The following FOXP2 variants were observed in gnomAD, a reference collection of about 807,000 sequenced individuals.
FOXP2 encodes forkhead box P2, also known as forkhead box protein P2.
In FOXP2, 12 loss-of-function variants were observed where a neutral mutation model predicts 115.8. That is an observed-to-expected ratio of 0.10 (90% CI 0.07 to 0.17). FOXP2 has a LOEUF of 0.17. Ranked by LOEUF, FOXP2 falls within the 10% of genes least tolerant of loss-of-function variation. The pLI, the probability that FOXP2 is intolerant of heterozygous loss-of-function variation, is 1.00. For missense variants in FOXP2, 629 were observed against 843.5 expected, an observed-to-expected ratio of 0.75 and a Z score of 3.15; for synonymous variants, 328 against 297.7, an observed-to-expected ratio of 1.10 and a Z score of -1.05.
At chr7:114,196,371 A>G (rs1243900956) in intron 1 of FOXP2, among the ~76,000 whole-genome samples, 1 of 152,196 alleles carries the variant, frequency 6.6e-6, no homozygotes, top group Non-Finnish European at 1.5e-5. Flanking sequence ...TTCTATGTTA[A>G]TTAAATACAA....
intron 8 of FOXP2, chr7:114,645,868 A>G (rs968174863): frequency 6.6e-6 from 1 of 152,060 alleles, no homozygotes; most frequent in Non-Finnish European, 1.5e-5. Flanking sequence ...TTAACCTTTT[A>G]TCATTTCTAA....
intron 2 of FOXP2, among the ~76,000 whole-genome samples, chr7:114,429,929 T>A (rs1794029513): frequency 6.6e-6 from 1 of 151,712 alleles, no homozygotes; most frequent in South Asian, 2.1e-4. Context: ...TTTTATAATT[T>A]TATTTTGAAA....
At chr7:114,686,869 TG>T (rs1453701728) in intron 16 of FOXP2, among the ~76,000 whole-genome samples, 3 of 152,158 alleles carry the variant, frequency 2.0e-5, no homozygotes, top group Non-Finnish European at 2.9e-5. Context: ...CGAACACTTC[TG>T]GAATAATGTC....
chr7:114,502,496 G>A (rs369927633), intron 2 of FOXP2, among the ~76,000 whole-genome samples: 2 of 152,028 alleles, frequency 1.3e-5, no homozygotes, highest in African/African-American at 4.8e-5. Flanking sequence ...TTTATGGAAG[G>A]CTGAAAGTGT....
intron 16 of FOXP2, chr7:114,666,153 C>T (rs1171765993): frequency 4.6e-5 from 7 of 151,772 alleles, no homozygotes; most frequent in Admixed American, 3.9e-4. Context: ...ATATATAACA[C>T]ATTTTATGCT....
chr7:114,121,636 G>A (rs1791569467), intron 1 of FOXP2, among the ~76,000 whole-genome samples: 1 of 152,078 alleles, frequency 6.6e-6, no homozygotes, highest in Non-Finnish European at 1.5e-5. Flanking sequence ...AGATCTGAAT[G>A]TCACATAACT....
chr7:114,271,808 TTA>T (rs1417554777), intron 1 of FOXP2, among the ~76,000 whole-genome samples: 1 of 119,722 alleles, frequency 8.4e-6, no homozygotes, highest in Non-Finnish European at 1.6e-5. Flanking sequence ...TTATTTATAT[TTA>T]TATATAATAT....
intron 8 of FOXP2, 76 bp from the exon 9 acceptor site, chr7:114,652,127 G>C (rs887999500): frequency 7.4e-7 from 1 of 1,355,302 alleles, no homozygotes; most frequent in African/African-American, 1.4e-5. Flanking sequence ...CTTCAGTGTA[G>C]TGCTTTTTAA....
intron 2 of FOXP2, among the ~76,000 whole-genome samples, chr7:114,318,230 T>G (rs186209148): frequency 1.7e-3 from 266 of 152,294 alleles, no homozygotes; most frequent in Middle Eastern, 0.01. Context: ...GTTTTGTTTT[T>G]GTTTTATTTT....
intron 2 of FOXP2, among the ~76,000 whole-genome samples, chr7:114,470,724 A>AT (rs1182244189): frequency 6.6e-6 from 1 of 152,118 alleles, no homozygotes; most frequent in Non-Finnish European, 1.5e-5. Flanking sequence ...ACTTTTTATT[A>AT]TACCCAACAC....
upstream of FOXP2, among the ~76,000 whole-genome samples, chr7:114,159,683 C>G (rs559759318): frequency 3.0e-4 from 11 of 36,610 alleles, no homozygotes; most frequent in Middle Eastern, 0.02. Context: ...CCAGGACTAA[C>G]GATCACTGGA....
chr7:114,154,512 A>C (rs1792610394), intron 1 of FOXP2, among the ~76,000 whole-genome samples: 1 of 152,056 alleles, frequency 6.6e-6, no homozygotes, highest in South Asian at 2.1e-4. Flanking sequence ...AGAATGGAAG[A>C]TTATTAGTTT....
intron 3 of FOXP2, 131 bp from the exon 4 acceptor site, chr7:114,628,409 A>C (rs1214766227): frequency 1.6e-6 from 2 of 1,236,492 alleles, no homozygotes; most frequent in East Asian, 4.8e-5. Flanking sequence ...AGTTATAGTA[A>C]AATGTGACGT....
At chr7:114,536,979 A>G (rs1022487582) in intron 3 of FOXP2, among the ~76,000 whole-genome samples, 4 of 151,588 alleles carry the variant, frequency 2.6e-5, no homozygotes, top group African/African-American at 9.7e-5. Flanking sequence ...ATAAAAGCTT[A>G]ACAGCATTTG....
chr7:114,344,662 G>A (rs572357624), intron 2 of FOXP2, among the ~76,000 whole-genome samples: 1 of 151,808 alleles, frequency 6.6e-6, no homozygotes. Context: ...ACATAGAGTA[G>A]TTATTCTGTT....
At chr7:114,324,724 T>C (rs1291008425) in intron 2 of FOXP2, among the ~76,000 whole-genome samples, 1 of 151,910 alleles carries the variant, frequency 6.6e-6, no homozygotes, top group East Asian at 1.9e-4. Context: ...CTTTATACTC[T>C]ATCAGAATAT....
Position 114,405,605 on chromosome 7 carries a change from G to A in FOXP2, c.-10-20897G>A, listed in dbSNP as rs369771771. Among the ~76,000 whole-genome samples the A allele has an allele frequency of 1.8e-4, 28 of 151,896 alleles. No individual in the cohort carries two copies. The East Asian group carries it at 5.0e-3, about 27-fold the overall frequency. ...GAGGGAATTGTGTAACGTTAACATTGGTAACAGGTAAAAGATGTAATAGTG... is the reference window on the plus strand; with the variant it reads ...GAGGGAATTGTGTAACGTTAACATTAGTAACAGGTAAAAGATGTAATAGTG... On this transcript the variant is annotated intron_variant, in intron 2 of 17. Transcript: ENST00000634411.
Position 114,428,505 on chromosome 7 carries a change from G to T in FOXP2, c.168+1826G>T, listed in dbSNP as rs115855303. On this transcript the variant is annotated intron_variant, in intron 2 of 16. Transcript: ENST00000350908. ...TTCAGTCATGTATTGTATGTCTGTA[G>T]AGTGCCTTCTAAAAGTGATTTAACA... 3.5e-3 allele frequency among the ~76,000 whole-genome samples: 524 copies of T among 151,586 alleles called. 3 individuals are homozygous for T. The highest frequency in any genetic ancestry group is 0.012 in the African/African-American group (490 of 41,468).
At chr7:114,163,441 T>C (rs1792892097) in intron 1 of FOXP2, among the ~76,000 whole-genome samples, 1 of 152,134 alleles carries the variant, frequency 6.6e-6, no homozygotes, top group Non-Finnish European at 1.5e-5. Flanking sequence ...TGTTTTTTTT[T>C]CTTTTATATT....
Sources: allele counts gnomAD v4.1 joint callset (sites outside exome capture counted in the v4.1 genomes callset), GRCh38; gene constraint gnomAD v4.1.1; transcripts MANE v1.5; gene names NCBI Gene and HGNC (gene_info 2026-07-23, HGNC 2026-07-21).